The following MSI2 variants were observed in gnomAD, a reference collection of about 807,000 sequenced individuals.
MSI2 encodes the protein RNA-binding protein Musashi homolog 2.
A neutral mutation model predicts 45.6 loss-of-function variants in MSI2; 17 were observed. The observed-to-expected ratio is 0.37, with a 90% confidence interval of 0.26 to 0.56. MSI2 has a LOEUF of 0.56. MSI2 is among the 20% of genes least tolerant of loss of function. MSI2 has a pLI of 0.77. For synonymous variants in MSI2, 156 were observed against 158.2 expected (o/e 0.99, Z 0.11); for missense variants, 293 against 444.2 (o/e 0.66, Z 3.06).
chr17:57,539,184 AT>A (rs11432676), intron 7 of MSI2, among the ~76,000 whole-genome samples: 18,461 of 143,386 alleles, frequency 0.13, 2,101 homozygotes, highest in African/African-American at 0.32. Flanking sequence ...TACTTTTTGA[AT>A]TTTTTTTTTT....
intron 6 of MSI2, among the ~76,000 whole-genome samples, chr17:57,456,586 G>A (rs909170516): frequency 6.6e-6 from 1 of 151,710 alleles, no homozygotes; most frequent in Non-Finnish European, 1.5e-5. Flanking sequence ...CAGAGCGATC[G>A]AGACTCCATC....
At chr17:57,467,917 A>AT (rs2085358366) in intron 6 of MSI2, among the ~76,000 whole-genome samples, 1 of 135,402 alleles carries the variant, frequency 7.4e-6, no homozygotes, top group Non-Finnish European at 1.5e-5. Context: ...TCTCTGGCCC[A>AT]TTTTTAGGTA....
intron 5 of MSI2, among the ~76,000 whole-genome samples, chr17:57,335,071 T>A (rs1259327095): frequency 1.3e-5 from 2 of 152,194 alleles, no homozygotes; most frequent in Admixed American, 1.3e-4. Context: ...TTTTCATGAC[T>A]ATTTTTTTGC....
intron 5 of MSI2, chr17:57,264,932 G>A (rs1907642631): frequency 1.3e-5 from 2 of 152,270 alleles, no homozygotes; most frequent in Admixed American, 6.5e-5. Flanking sequence ...GCCCCATCAT[G>A]TTATACCAGT....
chr17:57,586,328 G>A (rs1040190732), intron 7 of MSI2, among the ~76,000 whole-genome samples: 7 of 152,034 alleles, frequency 4.6e-5, no homozygotes, highest in African/African-American at 1.4e-4. Context: ...TTAGAAAAAT[G>A]GTTTGAGGAT....
chr17:57,478,537 A>G (rs1226015800), intron 6 of MSI2, among the ~76,000 whole-genome samples: 2 of 152,224 alleles, frequency 1.3e-5, no homozygotes, highest in Non-Finnish European at 2.9e-5. Context: ...GACAAAACCA[A>G]GTGACATAGA....
At chr17:57,321,805 T>G (rs936359508) in intron 5 of MSI2, among the ~76,000 whole-genome samples, 3 of 152,180 alleles carry the variant, frequency 2.0e-5, no homozygotes, top group Admixed American at 1.3e-4. Flanking sequence ...AAACAAATTT[T>G]TTTTTTTTTG....
At chr17:57,300,575 G>A (rs1223990223) in intron 5 of MSI2, among the ~76,000 whole-genome samples, 1 of 152,114 alleles carries the variant, frequency 6.6e-6, no homozygotes, top group Admixed American at 6.5e-5. Context: ...AATGCTGAGT[G>A]CCACCTTTAA....
rs1399854690 is a variant in MSI2 at position 57,648,179 on chromosome 17, GTGTT to G, written c.728-3916_728-3913del. On this transcript the variant is annotated intron_variant, in intron 10 of 13. Coordinates refer to ENST00000284073, the MANE Select transcript of MSI2 (RefSeq NM_138962.4). ...TGTGTGTGTGTGTGTGTGTGTGTGT[GTGTT>G]TGTAGTGACAGGGTTTTCCCATGTT... Among the ~76,000 whole-genome samples, 248 of 138,498 alleles carry G rather than the reference GTGTT, an allele frequency of 1.8e-3. 1 individual carries two copies. The highest frequency in any genetic ancestry group is 5.7e-3 in the African/African-American group (192 of 33,468). The allele number at this position is 138,498 out of a possible 152,430, so 90.9% of individuals were successfully genotyped here.
At chr17:57,359,507 C>T (rs1304642312) in intron 5 of MSI2, among the ~76,000 whole-genome samples, 4 of 152,172 alleles carry the variant, frequency 2.6e-5, no homozygotes, top group Non-Finnish European at 5.9e-5. Context: ...TGTCCCAGTA[C>T]TGCCTCCCTG....
intron 6 of MSI2, among the ~76,000 whole-genome samples, chr17:57,418,085 C>A (rs916935282): frequency 6.6e-6 from 1 of 152,216 alleles, no homozygotes; most frequent in African/African-American, 2.4e-5. Flanking sequence ...CATACGGTCT[C>A]TGTCCCTGCT....
intron 5 of MSI2, among the ~76,000 whole-genome samples, chr17:57,344,619 G>T (rs1408226119): frequency 6.6e-6 from 1 of 152,188 alleles, no homozygotes; most frequent in Non-Finnish European, 1.5e-5. Context: ...GGCCATTTCA[G>T]TGGAGAGATA....
In MSI2 at chr17:57,413,870, T is replaced by G. The variant is rs186354718; in HGVS notation, c.405+12399T>G. On this transcript the variant is annotated intron_variant, in intron 6 of 13. Coordinates refer to ENST00000284073, the MANE Select transcript of MSI2 (RefSeq NM_138962.4). ...CAGGGAAACAGTCATCCTTCCTCAT[T>G]AGGCCCACAAGGCATTGCATCTACA... is the stretch of plus-strand genomic sequence containing the variant. 2.0e-5 allele frequency among the ~76,000 whole-genome samples: 3 copies of G among 152,084 alleles called. No individual in the cohort carries two copies. In the East Asian group the frequency reaches 5.8e-4, roughly 29 times the overall value.
chr17:57,687,857 T>C (rs1913913940), downstream of MSI2, among the ~76,000 whole-genome samples: 2 of 152,104 alleles, frequency 1.3e-5, no homozygotes, highest in African/African-American at 4.8e-5. Context: ...ATCAAGAGTG[T>C]AATTTAATAT....
intron 11 of MSI2, among the ~76,000 whole-genome samples, chr17:57,665,163 G>T (rs143360024): frequency 9.9e-4 from 151 of 152,292 alleles, no homozygotes; most frequent in African/African-American, 3.5e-3. Flanking sequence ...TTCCCAGCAG[G>T]GTCAGGAAGG....
intron 11 of MSI2, among the ~76,000 whole-genome samples, chr17:57,663,762 G>A (rs114208402): frequency 1.3e-5 from 2 of 152,194 alleles, no homozygotes; most frequent in African/African-American, 4.8e-5. Flanking sequence ...TAGTCGTTAA[G>A]TCTTCAATGG....
chr17:57,590,408 C>T (rs980898672), intron 7 of MSI2, among the ~76,000 whole-genome samples: 1 of 152,070 alleles, frequency 6.6e-6, no homozygotes, highest in Non-Finnish European at 1.5e-5. Flanking sequence ...TTTCAGATTT[C>T]GATCTTCTTC....
intron 5 of MSI2, among the ~76,000 whole-genome samples, chr17:57,374,606 A>C (rs2083467025): frequency 6.6e-6 from 1 of 151,830 alleles, no homozygotes; most frequent in Admixed American, 6.6e-5. Flanking sequence ...GTGAAACCCC[A>C]TCTCTACTAA....
At chr17:57,283,678 G>A (rs1436073806) in intron 5 of MSI2, among the ~76,000 whole-genome samples, 2 of 152,198 alleles carry the variant, frequency 1.3e-5, no homozygotes, top group Non-Finnish European at 2.9e-5. Context: ...CCCTAGGAAA[G>A]CATGGGAGGA....
Sources: allele counts gnomAD v4.1 joint callset (sites outside exome capture counted in the v4.1 genomes callset), GRCh38; gene constraint gnomAD v4.1.1; transcripts MANE v1.5; gene names NCBI Gene and HGNC (gene_info 2026-07-23, HGNC 2026-07-21).